SLC30A5: variants seen among roughly 807,000 people sequenced by gnomAD.
The protein encoded by SLC30A5 is solute carrier family 30 member 5, also known as proton-coupled zinc antiporter SLC30A5.
Under a neutral mutation model 79.6 loss-of-function variants are expected in SLC30A5, and 33 were observed. The observed-to-expected ratio is 0.41, with a 90% CI of 0.31 to 0.55. The LOEUF is 0.55. SLC30A5 is among the 20% of genes least tolerant of loss of function. The pLI is 0.20. For missense variants in SLC30A5, 788 were observed against 928.1 expected (o/e 0.85, Z 1.96); for synonymous variants, 299 against 319.7 (o/e 0.94, Z 0.69).
intron 5 of SLC30A5, 58 bp downstream of exon 5, chr5:69,108,494 C>A (rs972893807): frequency 8.2e-7 from 1 of 1,218,344 alleles, no homozygotes; most frequent in East Asian, 2.3e-5. Flanking sequence ...CACATATTAT[C>A]CAAAGGAATA....
chr5:69,114,672 C>G (rs896956329), intron 7 of SLC30A5, among the ~76,000 whole-genome samples, 176 bp downstream of exon 7: 1 of 152,154 alleles, frequency 6.6e-6, no homozygotes, highest in Non-Finnish European at 1.5e-5. Context: ...TCAAGACCAG[C>G]CTGACTGACA....
At chr5:69,115,135 GAAAA>G (rs60614154) in intron 7 of SLC30A5, 98 bp from the exon 8 acceptor site, 18,391 of 532,656 alleles carry the variant, frequency 0.035, 796 homozygotes, top group African/African-American at 0.17. Flanking sequence ...TGTCTCTGGG[GAAAA>G]AAAAAAAAAA....
chr5:69,118,688 C>A, intron 12 of SLC30A5, 60 bp downstream of exon 12: 1 of 1,422,344 alleles, frequency 7.0e-7, no homozygotes, highest in South Asian at 1.5e-5. Context: ...TTTTTCTATC[C>A]TAAAGTTTAA....
Position 69,115,314 on chromosome 5 carries a change from C to T in SLC30A5, c.690C>T (p.Asp230=), listed in dbSNP as rs891797427. Residue 230 remains aspartate, a synonymous_variant, in exon 8 of 16, where the codon GAC becomes GAT. Coordinates refer to ENST00000396591, the MANE Select transcript of SLC30A5 (RefSeq NM_022902.5). ...FHTASRKLSV[D]VGGAKRLQAL... is the part of the protein sequence containing the mutation. ...CAGCTTCCAGAAAGCTCTCTGTCGA[C>T]GTTGGTGGAGCTAAACGTCTTCAAG... is the stretch of plus-strand genomic sequence containing the variant. The T allele has an allele frequency of 3.7e-6, 6 of 1,613,954 alleles. No individual in the cohort carries two copies. The highest frequency in any genetic ancestry group is 3.3e-5 in the South Asian group (3 of 91,076).
chr5:69,128,302 A>T (rs543904223), intron 15 of SLC30A5, among the ~76,000 whole-genome samples, 170 bp downstream of exon 15: 1 of 129,874 alleles, frequency 7.7e-6, no homozygotes, highest in Admixed American at 9.0e-5. Flanking sequence ...CCCAGGCTGG[A>T]GTGCAGTGGC....
Position 69,117,652 on chromosome 5 carries a change from G to A in SLC30A5, c.1439+256G>A, listed in dbSNP as rs1458248888. ...AGCACTTTGGGAGGCCAAGGCAGGC[G>A]GATCACCTGAGGTCAGGAGTTCGAG... On this transcript the variant is annotated intron_variant, in intron 11 of 15. Coordinates refer to ENST00000396591, the MANE Select transcript of SLC30A5 (RefSeq NM_022902.5). Among the ~76,000 whole-genome samples the A allele has an allele frequency of 2.6e-5, 4 of 151,968 alleles. 1 individual carries two copies. In the East Asian group the frequency reaches 5.8e-4, roughly 22 times the overall value.
chr5:69,099,674 C>A (rs1044588039), intron 1 of SLC30A5, among the ~76,000 whole-genome samples: 2 of 152,208 alleles, frequency 1.3e-5, no homozygotes, highest in African/African-American at 4.8e-5. Flanking sequence ...CCACAACTCT[C>A]ACTGTAGTCA....
chr5:69,125,467 A>C (rs1478156082), intron 14 of SLC30A5, among the ~76,000 whole-genome samples: 1 of 151,692 alleles, frequency 6.6e-6, no homozygotes, highest in Non-Finnish European at 1.5e-5. Context: ...TGGAGGTTGC[A>C]GTGAGCTGAG....
intron 1 of SLC30A5, among the ~76,000 whole-genome samples, chr5:69,097,556 C>T (rs571844962): frequency 6.6e-6 from 1 of 152,316 alleles, no homozygotes; most frequent in African/African-American, 2.4e-5. Flanking sequence ...CAATCTCAAA[C>T]TCCTGGGCTT....
At chr5:69,095,196 C>CTTTTTTTTTT (rs371189827) in intron 1 of SLC30A5, among the ~76,000 whole-genome samples, 3 of 112,320 alleles carry the variant, frequency 2.7e-5, no homozygotes, top group African/African-American at 3.6e-5. Flanking sequence ...TATAACGTAA[C>CTTTTTTTTTT]TTTTTTTTTT....
At position 69,130,447 on chromosome 5, in the gene SLC30A5, A is replaced by G. The variant is rs542929780; in HGVS notation, c.*830A>G. On this transcript the variant is annotated 3_prime_UTR_variant, in exon 16 of 16. Transcript: ENST00000396591. ...CAGTGGTAAGCTTTCATCCTTTCTT[A>G]GCTCCATAACGTTGTGAAACAGCCA... 6.6e-6 allele frequency: 1 copy of G among 152,288 alleles called. No homozygotes were observed. Among genetic ancestry groups the G allele is most frequent in the Non-Finnish European group, 1.5e-5 (1 of 68,014 alleles). 9.4% of individuals were successfully genotyped at this position (152,288 alleles called of 1,614,324 possible). A position where few individuals can be genotyped will look rare whatever the true frequency, so the allele number is the denominator to read the frequency against.
intron 7 of SLC30A5, 53 bp from the exon 8 acceptor site, chr5:69,115,180 CGACT>C (rs917404862): frequency 1.2e-6 from 1 of 867,486 alleles, no homozygotes; most frequent in East Asian, 2.8e-5. Flanking sequence ...ATGTATTTAA[CGACT>C]GACTGTTGAA....
intron 1 of SLC30A5, among the ~76,000 whole-genome samples, chr5:69,099,660 T>C (rs1745853321): frequency 1.3e-5 from 2 of 152,204 alleles, no homozygotes. Context: ...AATTGACCTT[T>C]CAACCACAAC....
At chr5:69,124,452 ATTAC>A (rs1426479774) in intron 14 of SLC30A5, among the ~76,000 whole-genome samples, 1 of 152,160 alleles carries the variant, frequency 6.6e-6, no homozygotes, top group East Asian at 1.9e-4. Flanking sequence ...CTTTTGGTTA[ATTAC>A]TTCTTTACTT....
Position 69,094,444 on chromosome 5 carries a change from C to T in SLC30A5, c.83+106C>T, listed in dbSNP as rs1745659038. Reference sequence around the variant, plus strand: ...ACAGCCCGGGACGTCCCGGGGTCGGCGCGCCCTCTCCCCCTGCCTGCCTCC... The same window carrying T: ...ACAGCCCGGGACGTCCCGGGGTCGGTGCGCCCTCTCCCCCTGCCTGCCTCC... On this transcript the variant is annotated intron_variant, in intron 1 of 15. Transcript: ENST00000396591. 7 of 1,170,002 alleles carry T rather than the reference C, an allele frequency of 6.0e-6. No individual in the cohort carries two copies. The South Asian group carries it at 2.6e-4, about 44-fold the overall frequency. 72.5% of individuals were successfully genotyped at this position (1,170,002 alleles called of 1,614,324 possible).
At position 69,121,730 on chromosome 5, in the gene SLC30A5, G is replaced by A; in HGVS notation, c.1606G>A (p.Gly536Ser). 2 of 1,613,108 alleles carry A rather than the reference G, an allele frequency of 1.2e-6. No individual in the cohort carries two copies. Among genetic ancestry groups the A allele is most frequent in the Non-Finnish European group, 1.7e-6 (2 of 1,179,660 alleles). ...SVGGLIVNLIGICAFSHAHSH... is the reference protein window; with the variant it reads ...SVGGLIVNLISICAFSHAHSH... The stretch of plus-strand genomic sequence containing the variant: ...TGGAGGGCTGATAGTAAACCTTATT[G>A]GTATCTGTGCCTTTAGCCATGCCCA... Residue 536 changes from glycine (G) to serine (S), a missense_variant, in exon 13 of 16, where the codon GGT becomes AGT. Coordinates refer to ENST00000396591, the MANE Select transcript of SLC30A5 (RefSeq NM_022902.5).
At chr5:69,124,037 C>T (rs555660644) in intron 14 of SLC30A5, among the ~76,000 whole-genome samples, 5 of 141,382 alleles carry the variant, frequency 3.5e-5, no homozygotes, top group African/African-American at 1.1e-4. Flanking sequence ...GGCGTGAACC[C>T]GGGAGGCAGA....
intron 4 of SLC30A5, among the ~76,000 whole-genome samples, chr5:69,106,622 A>G (rs1012580974): frequency 2.2e-4 from 33 of 152,230 alleles, no homozygotes; most frequent in African/African-American, 7.5e-4. Context: ...CAGCCTGGAC[A>G]ACATGGCAAA....
intron 6 of SLC30A5, among the ~76,000 whole-genome samples, chr5:69,113,520 A>G (rs537670748): frequency 1.3e-5 from 1 of 78,520 alleles, no homozygotes; most frequent in East Asian, 8.0e-4. Context: ...GTGATTTGCC[A>G]CTCAACATGT....
Sources: allele counts gnomAD v4.1 joint callset (sites outside exome capture counted in the v4.1 genomes callset), GRCh38; gene constraint gnomAD v4.1.1; transcripts MANE v1.5; gene names NCBI Gene and HGNC (gene_info 2026-07-23, HGNC 2026-07-21).